CPAMD8: variants seen among roughly 807,000 people sequenced by gnomAD.
CPAMD8 encodes C3 and PZP like alpha-2-macroglobulin domain containing 8.
A neutral mutation model predicts 224.7 loss-of-function variants in CPAMD8; 146 were observed. The ratio of observed to expected loss-of-function variants is 0.65; its 90% confidence interval spans 0.57 to 0.75. The LOEUF is 0.75. Among genes scored for constraint, CPAMD8 ranks in the 30% least tolerant of loss-of-function variants. CPAMD8 has a pLI of 0.00. For synonymous variants in CPAMD8, 966 were observed against 1,044.6 expected (o/e 0.92, Z 1.45); for missense variants, 2,301 against 2,537.5 (o/e 0.91, Z 2.00).
At chr19:16,999,536 G>A (rs2056242142) in intron 10 of CPAMD8, among the ~76,000 whole-genome samples, 1 of 146,224 alleles carries the variant, frequency 6.8e-6, no homozygotes, top group African/African-American at 2.5e-5. Flanking sequence ...AGTGAGCCGA[G>A]ATCACGCCAT....
intron 26 of CPAMD8, among the ~76,000 whole-genome samples, chr19:16,923,244 G>C (rs530996957): frequency 6.6e-6 from 1 of 152,332 alleles, no homozygotes; most frequent in Non-Finnish European, 1.5e-5. Context: ...AGAGTGTGAG[G>C]AGACATATAG....
At chr19:17,005,499 G>A (rs1371865137) in intron 7 of CPAMD8, among the ~76,000 whole-genome samples, 1 of 151,824 alleles carries the variant, frequency 6.6e-6, no homozygotes, top group Non-Finnish European at 1.5e-5. Flanking sequence ...TGACATGGGA[G>A]CTGTCATTTG....
intron 30 of CPAMD8, 77 bp from the exon 31 acceptor site, chr19:16,904,629 T>C (rs971855358): frequency 2.7e-5 from 26 of 977,630 alleles, no homozygotes; most frequent in Non-Finnish European, 3.3e-5. Flanking sequence ...CATCCAAGCA[T>C]GGGGTCTAAA....
chr19:16,919,809 T>C (rs1215914292), intron 27 of CPAMD8, among the ~76,000 whole-genome samples: 1 of 152,230 alleles, frequency 6.6e-6, no homozygotes, highest in African/African-American at 2.4e-5. Context: ...GGAACCCATC[T>C]AGAACAGATC....
At position 16,893,207 on chromosome 19, in the gene CPAMD8, G is replaced by C. The variant is rs1207060630; in HGVS notation, c.5559C>G (p.His1853Gln). The change falls in exon 42 of 42, where the codon CAC becomes CAG. Residue 1853 changes from histidine to glutamine, a missense_variant. His to Gln is a conservative substitution (Grantham distance 24). Around this residue, in one of 4 missense-constraint regions of CPAMD8, gnomAD observed 1,709 missense variants for 1,753.2 expected, o/e 0.97. Coordinates refer to ENST00000443236, the MANE Select transcript of CPAMD8 (RefSeq NM_015692.5). ...QRHSGRVVGAHRPGLLSPVFV... is the reference protein window; with the variant it reads ...QRHSGRVVGAQRPGLLSPVFV... The stretch of plus-strand genomic sequence containing the variant: ...AGACAGGGCTCAGAAGCCCTGGCCT[G>C]TGGGCCCCCACCACCCGGCCACTAT... The C allele has an allele frequency of 1.3e-6, 2 of 1,594,994 alleles. No individual in the cohort carries two copies. Among genetic ancestry groups the C allele is most frequent in the African/African-American group, 2.7e-5 (2 of 74,614 alleles).
intron 12 of CPAMD8, among the ~76,000 whole-genome samples, chr19:16,993,027 A>G (rs1237332593): frequency 6.6e-6 from 1 of 151,998 alleles, no homozygotes; most frequent in Non-Finnish European, 1.5e-5. Context: ...TCTCTCCCCA[A>G]TCTCTTTCCA....
chr19:17,010,212 A>G (rs2056608512), intron 5 of CPAMD8, among the ~76,000 whole-genome samples: 1 of 151,382 alleles, frequency 6.6e-6, no homozygotes, highest in African/African-American at 2.4e-5. Context: ...TGTCAAAATT[A>G]TTTTCCTCCT....
chr19:16,978,846 C>T (rs564611233), intron 14 of CPAMD8, among the ~76,000 whole-genome samples: 1 of 151,344 alleles, frequency 6.6e-6, no homozygotes, highest in East Asian at 2.0e-4. Flanking sequence ...CCACCATCCA[C>T]CCTTCCCTCT....
intron 17 of CPAMD8, among the ~76,000 whole-genome samples, chr19:16,973,593 C>T (rs996695490): frequency 1.3e-5 from 2 of 152,002 alleles, no homozygotes; most frequent in East Asian, 1.9e-4. Flanking sequence ...AGGTGATCCA[C>T]GTGTCTTGGC....
intron 7 of CPAMD8, among the ~76,000 whole-genome samples, chr19:17,006,390 G>A (rs1367570680): frequency 3.3e-5 from 5 of 152,056 alleles, no homozygotes; most frequent in African/African-American, 1.2e-4. Flanking sequence ...GGGCTTGGTG[G>A]CACGCGCCTG....
intron 39 of CPAMD8, chr19:16,896,890 T>C (rs956975410): frequency 5.1e-6 from 2 of 395,744 alleles, no homozygotes; most frequent in African/African-American, 2.1e-5. Flanking sequence ...TAAAAAGCGG[T>C]TGTAGGAGAG....
At chr19:16,990,734 G>A (rs2055912196) in intron 12 of CPAMD8, among the ~76,000 whole-genome samples, 1 of 151,386 alleles carries the variant, frequency 6.6e-6, no homozygotes, top group South Asian at 2.1e-4. Flanking sequence ...ATGGTGGCCG[G>A]CAACTGTAGT....
chr19:17,015,510 C>T (rs1389449217), intron 3 of CPAMD8, among the ~76,000 whole-genome samples: 1 of 152,124 alleles, frequency 6.6e-6, no homozygotes, highest in Non-Finnish European at 1.5e-5. Context: ...TCTCTCCAGC[C>T]ACCCACCTCC....
At chr19:16,945,246 G>T (rs1385604029) in intron 22 of CPAMD8, among the ~76,000 whole-genome samples, 1 of 152,184 alleles carries the variant, frequency 6.6e-6, no homozygotes, top group Non-Finnish European at 1.5e-5. Flanking sequence ...TGACAAGCAC[G>T]AGATGAGGGA....
intron 7 of CPAMD8, 58 bp from the exon 8 acceptor site, chr19:17,004,444 G>A (rs984203652): frequency 6.2e-6 from 7 of 1,134,780 alleles, no homozygotes; most frequent in Admixed American, 3.5e-5. Flanking sequence ...GGTGAGGTAC[G>A]GGAAGAGGGA....
At chr19:16,992,314 C>T (rs2055982712) in intron 12 of CPAMD8, among the ~76,000 whole-genome samples, 2 of 152,188 alleles carry the variant, frequency 1.3e-5, no homozygotes, top group African/African-American at 4.8e-5. Context: ...TCAGGCCAGA[C>T]ATGGCAGCTC....
At chr19:16,904,176 A>AGCCCCCCCCCCCCCCCCCCAGCCCC in intron 32 of CPAMD8, 50 bp downstream of exon 32, 1 of 937,340 alleles carries the variant, frequency 1.1e-6, no homozygotes, top group Non-Finnish European at 1.7e-6. Flanking sequence ...GACTGCAGGG[A>AGCCCCCCCCCCCCCCCCCCAGCCCC]CCCCACCCAC....
intron 26 of CPAMD8, among the ~76,000 whole-genome samples, chr19:16,923,176 G>T (rs1433983521): frequency 6.6e-6 from 1 of 152,230 alleles, no homozygotes; most frequent in African/African-American, 2.4e-5. Flanking sequence ...AGGCTGGGCT[G>T]GGAGTGTGGT....
chr19:16,988,449 A>G (rs2055822020), intron 13 of CPAMD8, among the ~76,000 whole-genome samples: 1 of 152,122 alleles, frequency 6.6e-6, no homozygotes, highest in Admixed American at 6.6e-5. Flanking sequence ...CGTCTCTACT[A>G]GAATACAAAG....
Sources: allele counts gnomAD v4.1 joint callset (sites outside exome capture counted in the v4.1 genomes callset), GRCh38; gene constraint gnomAD v4.1.1; regional missense constraint gnomAD v4.1.1; transcripts MANE v1.5; gene names NCBI Gene and HGNC (gene_info 2026-07-23, HGNC 2026-07-21).